Variants in NARS2 observed in about 807,000 individuals in gnomAD.
The protein encoded by NARS2 is asparaginyl-tRNA synthetase.
In NARS2, 60 loss-of-function variants were observed where a neutral mutation model predicts 62.9. The observed-to-expected ratio is 0.95, with a 90% CI of 0.77 to 1.18. The LOEUF (loss-of-function observed/expected upper bound fraction) is 1.18, where lower values mean the gene tolerates loss of function less well. Ranked by LOEUF, NARS2 falls within the 50% of genes most tolerant of loss-of-function variation. NARS2 has a pLI of 0.00. For synonymous variants in NARS2, 196 were observed against 200.0 expected, an observed-to-expected ratio of 0.98 and a Z score of 0.17; for missense variants, 619 against 576.4, an observed-to-expected ratio of 1.07 and a Z score of -0.76.
chr11:78,517,819 C>T (rs1322988359), intron 6 of NARS2, among the ~76,000 whole-genome samples: 3 of 152,252 alleles, frequency 2.0e-5, no homozygotes, highest in Non-Finnish European at 2.9e-5. Context: ...GAGTTTATGA[C>T]GAAGTTCCTC....
At position 78,436,639 on chromosome 11, in the gene NARS2, G is replaced by C; in HGVS notation, c.*31C>G. Reference sequence around the variant, plus strand: ...CAATCATGTGCAGTGTCTCTGCCATGGGGGGTGCTTTTCCTTAACCAATCT... The same window carrying C: ...CAATCATGTGCAGTGTCTCTGCCATCGGGGGTGCTTTTCCTTAACCAATCT... On this transcript the variant is annotated 3_prime_UTR_variant, in exon 14 of 14. Transcript: ENST00000281038. 2.5e-6 allele frequency: 4 copies of C among 1,611,638 alleles called. No individual in the cohort carries two copies. The highest frequency in any genetic ancestry group is 3.4e-6 in the Non-Finnish European group (4 of 1,178,166).
chr11:78,475,582 T>C, intron 9 of NARS2, among the ~76,000 whole-genome samples: 1 of 28,078 alleles, frequency 3.6e-5, no homozygotes, highest in East Asian at 4.6e-3. Flanking sequence ...TCATTTGACT[T>C]TTTTTTTTTT....
chr11:78,437,566 G>T (rs1857446461), intron 13 of NARS2, among the ~76,000 whole-genome samples: 1 of 152,114 alleles, frequency 6.6e-6, no homozygotes, highest in Non-Finnish European at 1.5e-5. Context: ...CTGAAACTCA[G>T]ATTCTAACAC....
intron 4 of NARS2, 88 bp from the exon 5 acceptor site, chr11:78,559,707 C>A (rs888276353): frequency 4.0e-5 from 34 of 841,310 alleles, no homozygotes; most frequent in African/African-American, 8.4e-5. Context: ...AAATGGCACA[C>A]TAAGCAGATG....
At chr11:78,566,650 A>G (rs1856755832) in intron 3 of NARS2, among the ~76,000 whole-genome samples, 1 of 152,244 alleles carries the variant, frequency 6.6e-6, no homozygotes. Flanking sequence ...TGTAGATATT[A>G]AAGATGTACA....
chr11:78,479,720 G>A (rs929765722), intron 7 of NARS2, among the ~76,000 whole-genome samples: 19 of 152,210 alleles, frequency 1.2e-4, no homozygotes, highest in African/African-American at 4.6e-4. Flanking sequence ...TAAAGTAGAG[G>A]CTGCCTTAAA....
At chr11:78,445,396 G>C (rs536796337) in intron 11 of NARS2, among the ~76,000 whole-genome samples, 1 of 152,124 alleles carries the variant, frequency 6.6e-6, no homozygotes, top group South Asian at 2.1e-4. Flanking sequence ...CGAGGTGGGC[G>C]GATCACCTGA....
chr11:78,509,944 G>C (rs899660445), intron 6 of NARS2, among the ~76,000 whole-genome samples: 2 of 151,912 alleles, frequency 1.3e-5, no homozygotes, highest in Admixed American at 1.3e-4. Context: ...GATCTTCAAT[G>C]TACTCTCCAT....
chr11:78,574,292 A>G lies in NARS2; in HGVS notation c.141+56T>C. On this transcript the variant is annotated intron_variant, in intron 1 of 13. Coordinates refer to ENST00000281038, the MANE Select transcript of NARS2 (RefSeq NM_024678.6). ...ACTGTAAAAGAAAAGCTAGATGTGGATGTGCCATATAAAAGTCCCTACAAG... is the reference window on the plus strand; with the variant it reads ...ACTGTAAAAGAAAAGCTAGATGTGGGTGTGCCATATAAAAGTCCCTACAAG... 1.9e-6 allele frequency: 3 copies of G among 1,605,652 alleles called. No individual in the cohort carries two copies. The South Asian group carries it at 3.3e-5, about 18-fold the overall frequency.
chr11:78,487,704 G>T (rs994952146), intron 7 of NARS2, among the ~76,000 whole-genome samples: 1 of 152,006 alleles, frequency 6.6e-6, no homozygotes, highest in Non-Finnish European at 1.5e-5. Context: ...GAAAGAAACC[G>T]AGAAAAATGA....
intron 10 of NARS2, among the ~76,000 whole-genome samples, chr11:78,468,283 A>G (rs561311119): frequency 2.7e-4 from 35 of 129,490 alleles, no homozygotes; most frequent in Admixed American, 1.4e-3. Context: ...ACTGAAAAAC[A>G]AACCTGCTTC....
At chr11:78,514,762 G>C (rs1350467244) in intron 6 of NARS2, among the ~76,000 whole-genome samples, 1 of 152,156 alleles carries the variant, frequency 6.6e-6, no homozygotes, top group Non-Finnish European at 1.5e-5. Context: ...AGAGAATCCA[G>C]TATTTAGATT....
intron 7 of NARS2, among the ~76,000 whole-genome samples, chr11:78,489,937 C>T (rs775848135): frequency 2.7e-4 from 41 of 151,996 alleles, no homozygotes; most frequent in Non-Finnish European, 5.1e-4. Context: ...TCTTGGGAGG[C>T]TGAGGTGGGA....
At chr11:78,569,002 T>C (rs1384389334) in intron 2 of NARS2, among the ~76,000 whole-genome samples, 2 of 152,204 alleles carry the variant, frequency 1.3e-5, no homozygotes, top group Non-Finnish European at 2.9e-5. Flanking sequence ...TAAGAGGTTG[T>C]ACAATTGCCC....
At chr11:78,463,816 A>T (rs990234105) in intron 11 of NARS2, among the ~76,000 whole-genome samples, 1 of 151,710 alleles carries the variant, frequency 6.6e-6, no homozygotes, top group Non-Finnish European at 1.5e-5. Flanking sequence ...AAGAGCTGAG[A>T]CAGGGAAAAT....
Position 78,443,686 on chromosome 11 carries a change from G to A in NARS2, c.1237C>T (p.His413Tyr), listed in dbSNP as rs770595074. The change falls in exon 12 of 14, where the codon CAT becomes TAT. Residue 413 changes from histidine to tyrosine, a missense_variant. Transcript: ENST00000281038. ...FGGGLREERY[H>Y]FLEERLARSG... Reference sequence around the variant, plus strand: ...CTGGCTAAGCGCTCCTCTAAGAAATGGTATCGTTCTTCTCTGAGGCCTCCT... The same window carrying A: ...CTGGCTAAGCGCTCCTCTAAGAAATAGTATCGTTCTTCTCTGAGGCCTCCT... The A allele has an allele frequency of 1.4e-5, 22 of 1,612,862 alleles. No individual in the cohort carries two copies. Among genetic ancestry groups the A allele is most frequent in the Non-Finnish European group, 1.9e-5 (22 of 1,179,180 alleles).
chr11:78,571,508 A>G, intron 1 of NARS2, 64 bp from the exon 2 acceptor site: 2 of 1,101,868 alleles, frequency 1.8e-6, no homozygotes, highest in South Asian at 2.7e-5. Flanking sequence ...ACACATACAC[A>G]CACAGACTAA....
At chr11:78,437,843 C>T (rs1857455119) in intron 13 of NARS2, among the ~76,000 whole-genome samples, 2 of 151,606 alleles carry the variant, frequency 1.3e-5, no homozygotes, top group African/African-American at 4.9e-5. Context: ...GGCGTAGTGG[C>T]GCCCGTCTGT....
chr11:78,455,820 C>T (rs1290768544), intron 11 of NARS2, among the ~76,000 whole-genome samples: 1 of 151,790 alleles, frequency 6.6e-6, no homozygotes, highest in East Asian at 1.9e-4. Flanking sequence ...GACTATACTG[C>T]TGCACTGAGA....
Sources: allele counts gnomAD v4.1 joint callset (sites outside exome capture counted in the v4.1 genomes callset), GRCh38; gene constraint gnomAD v4.1.1; transcripts MANE v1.5; gene names NCBI Gene and HGNC (gene_info 2026-07-23, HGNC 2026-07-21).